SCOC: variants seen among roughly 807,000 people sequenced by gnomAD.
SCOC encodes the protein short coiled-coil protein.
SCOC carries 7 observed loss-of-function variants against 9.9 expected under a neutral mutation model. The ratio of observed to expected loss-of-function variants is 0.71; its 90% CI spans 0.40 to 1.33. SCOC has a LOEUF of 1.33. Ranked by LOEUF, SCOC falls within the 40% of genes most tolerant of loss-of-function variation. The pLI, the probability that SCOC is intolerant of heterozygous loss-of-function variation, is 0.01. For missense variants in SCOC, 66 were observed against 89.7 expected (o/e 0.74, Z 1.07); for synonymous variants, 19 against 28.2 (o/e 0.67, Z 1.03).
upstream of SCOC, among the ~76,000 whole-genome samples, chr4:140,341,124 T>C (rs1449754840): frequency 2.0e-5 from 3 of 152,092 alleles, no homozygotes; most frequent in East Asian, 1.9e-4. Flanking sequence ...TCCATTAGGA[T>C]AGACATTTCA....
At chr4:140,271,879 G>A (rs1184614357) in intron 1 of SCOC, among the ~76,000 whole-genome samples, 1 of 152,088 alleles carries the variant, frequency 6.6e-6, no homozygotes, top group Non-Finnish European at 1.5e-5. Context: ...ACACTAGAGA[G>A]AGCAGAGGAG....
At chr4:140,349,398 TAG>T (rs1726881789) in intron 2 of SCOC, among the ~76,000 whole-genome samples, 1 of 152,224 alleles carries the variant, frequency 6.6e-6, no homozygotes, top group African/African-American at 2.4e-5. Flanking sequence ...TTAAAAACAA[TAG>T]CATAGAGATC....
At chr4:140,319,560 C>T (rs1169315717) in intron 1 of SCOC, among the ~76,000 whole-genome samples, 3 of 151,822 alleles carry the variant, frequency 2.0e-5, no homozygotes, top group East Asian at 1.9e-4. Flanking sequence ...ATTTTTATAC[C>T]ATCTTTACTA....
intron 1 of SCOC, among the ~76,000 whole-genome samples, chr4:140,279,428 C>A (rs1240138770): frequency 2.6e-5 from 4 of 152,194 alleles, no homozygotes; most frequent in Non-Finnish European, 5.9e-5. Flanking sequence ...TCAGTGCTCA[C>A]TGAAGTGATT....
Position 140,280,242 on chromosome 4 carries a change from G to A in SCOC, c.-19+22832G>A, listed in dbSNP as rs137878750. 4.0e-4 allele frequency among the ~76,000 whole-genome samples: 61 copies of A among 152,160 alleles called. No individual in the cohort carries two copies. The East Asian group carries it at 8.5e-3, about 21-fold the overall frequency. On this transcript the variant is annotated intron_variant, in intron 1 of 4. Coordinates refer to the SCOC transcript ENST00000394205. Reference sequence around the variant, plus strand: ...AGTGATCCCCCCACCTCAGCCTCCCGAGTAGCTGGATTACAGGCATGCGCT... The same window carrying A: ...AGTGATCCCCCCACCTCAGCCTCCCAAGTAGCTGGATTACAGGCATGCGCT...
Position 140,295,957 on chromosome 4 carries a change from A to AAAG in SCOC, c.-19+38549_-19+38550insGAA, listed in dbSNP as rs1491574866. ...AAAAAAAAAAAAAAAAGAAAGAAAG[A>AAAG]AAAAAAAAAAGAAAATCACCTGGAG... is the stretch of plus-strand genomic sequence containing the variant. On this transcript the variant is annotated intron_variant, in intron 1 of 4. Transcript: ENST00000394205. Among the ~76,000 whole-genome samples the AAAG allele has an allele frequency of 9.1e-5, 13 of 143,234 alleles. No homozygotes were observed. The East Asian group carries it at 2.2e-3, about 25-fold the overall frequency. The allele number at this position is 143,234 out of a possible 152,430, so 94.0% of individuals were successfully genotyped here. A position where few individuals can be genotyped will look rare whatever the true frequency, so the allele number is the denominator to read the frequency against.
chr4:140,262,459 C>T (rs920460515), intron 1 of SCOC, among the ~76,000 whole-genome samples: 3 of 152,158 alleles, frequency 2.0e-5, no homozygotes, highest in African/African-American at 7.2e-5. Context: ...TGGATTAAAA[C>T]TATAATCTCC....
intron 1 of SCOC, among the ~76,000 whole-genome samples, chr4:140,296,721 T>C (rs1271042577): frequency 6.6e-6 from 1 of 152,028 alleles, no homozygotes; most frequent in Non-Finnish European, 1.5e-5. Flanking sequence ...ATGTAGCTGA[T>C]GTCAACACTG....
intron 1 of SCOC, among the ~76,000 whole-genome samples, chr4:140,315,467 G>A (rs1280249977): frequency 1.3e-5 from 2 of 152,138 alleles, no homozygotes; most frequent in South Asian, 4.1e-4. Flanking sequence ...GTTCAAATTT[G>A]GTTTTAACTG....
chr4:140,265,910 G>A (rs970778123), intron 1 of SCOC, among the ~76,000 whole-genome samples: 2 of 152,154 alleles, frequency 1.3e-5, no homozygotes, highest in African/African-American at 4.8e-5. Flanking sequence ...CACCAGAAAA[G>A]CCTCTTTTCC....
intron 1 of SCOC, among the ~76,000 whole-genome samples, chr4:140,279,689 G>A (rs536724672): frequency 6.5e-4 from 99 of 152,292 alleles, no homozygotes; most frequent in Non-Finnish European, 1.1e-3. Flanking sequence ...CTGTTCTCCC[G>A]TGATTCAGTG....
At chr4:140,284,386 A>G (rs905863497) in intron 1 of SCOC, 2 of 152,194 alleles carry the variant, frequency 1.3e-5, no homozygotes. Context: ...ATTCACGGGC[A>G]TGGTTCAGAA....
chr4:140,296,069 T>A (rs1009569808), intron 1 of SCOC, among the ~76,000 whole-genome samples: 6 of 152,078 alleles, frequency 3.9e-5, no homozygotes, highest in Non-Finnish European at 8.8e-5. Context: ...CTGCATTTTT[T>A]AAAAGTTCCC....
chr4:140,268,597 T>C (rs1730778722), intron 1 of SCOC, among the ~76,000 whole-genome samples: 1 of 152,232 alleles, frequency 6.6e-6, no homozygotes, highest in South Asian at 2.1e-4. Context: ...AAAATAATCT[T>C]GGACTGCTGC....
At chr4:140,380,809 G>A (rs769466271) in intron 3 of SCOC, among the ~76,000 whole-genome samples, 153 bp from the exon 4 acceptor site, 12 of 152,050 alleles carry the variant, frequency 7.9e-5, no homozygotes, top group Admixed American at 2.0e-4. Context: ...CTACTAATTT[G>A]TACTCAGTTT....
At chr4:140,366,869 C>A (rs555486833) in intron 2 of SCOC, 2 of 741,280 alleles carry the variant, frequency 2.7e-6, no homozygotes, top group Non-Finnish European at 4.9e-6. Context: ...ATGTTGGTGG[C>A]GTTTGGCAAG....
chr4:140,348,466 G>C (rs998551046), intron 2 of SCOC, among the ~76,000 whole-genome samples: 1 of 151,944 alleles, frequency 6.6e-6, no homozygotes, highest in African/African-American at 2.4e-5. Context: ...TGTTACAAAT[G>C]GCAAGATTTC....
At chr4:140,374,114 C>T (rs1365313245) in intron 1 of SCOC, 2 of 467,132 alleles carry the variant, frequency 4.3e-6, no homozygotes, top group African/African-American at 4.0e-5. Flanking sequence ...CCCGTGGCTG[C>T]TCTGCGAGAG....
chr4:140,324,523 A>G (rs1003953077), intron 1 of SCOC, among the ~76,000 whole-genome samples: 1 of 152,178 alleles, frequency 6.6e-6, no homozygotes, highest in Non-Finnish European at 1.5e-5. Context: ...ACAAAAACCA[A>G]TCATATTCCT....
Sources: allele counts gnomAD v4.1 joint callset (sites outside exome capture counted in the v4.1 genomes callset), GRCh38; gene constraint gnomAD v4.1.1; transcripts MANE v1.5; gene names NCBI Gene and HGNC (gene_info 2026-07-23, HGNC 2026-07-21).